EIF4EBP1: variants seen among roughly 807,000 people sequenced by gnomAD.
EIF4EBP1 encodes eukaryotic translation initiation factor 4E-binding protein 1.
In EIF4EBP1, 5 loss-of-function variants were observed where a neutral mutation model predicts 9.2. The observed-to-expected ratio is 0.54, with a 90% confidence interval of 0.28 to 1.14. EIF4EBP1 has a LOEUF of 1.14. Among genes scored for constraint, EIF4EBP1 ranks in the 50% most tolerant of loss-of-function variants. The probability of loss-of-function intolerance (pLI) is 0.09; values close to 1 mark genes in which losing one functional copy is unlikely to be tolerated. For missense variants in EIF4EBP1, 139 were observed against 169.6 expected (o/e 0.82, Z 1.00); for synonymous variants, 62 against 67.0 (o/e 0.93, Z 0.36).
intron 1 of EIF4EBP1, among the ~76,000 whole-genome samples, chr8:38,054,705 A>G (rs966217480): frequency 3.9e-5 from 6 of 152,066 alleles, no homozygotes; most frequent in African/African-American, 1.4e-4. Flanking sequence ...TCTAGAACCA[A>G]AACAAATCTG....
rs751889248 is a variant in EIF4EBP1, at chr8:38,057,255, C to A, written c.320C>A (p.Ala107Glu). The change falls in exon 2 of 3, where the codon GCG becomes GAG. Residue 107 changes from alanine to glutamate, a missense_variant. By Grantham distance (107) the Ala-to-Glu change is moderately radical. Transcript: ENST00000338825. ...HLRNSPEDKR[A>E]GGEESQFEMD... Reference sequence around the variant, plus strand: ...CGCAATAGCCCAGAAGATAAGCGGGCGGGCGGTGAGTGTCGGGGCTTGGCC... The same window carrying A: ...CGCAATAGCCCAGAAGATAAGCGGGAGGGCGGTGAGTGTCGGGGCTTGGCC... 7.5e-6 allele frequency: 12 copies of A among 1,605,908 alleles called. No individual in the cohort carries two copies. The highest frequency in any genetic ancestry group is 1.1e-5 in the South Asian group (1 of 90,010).
At chr8:38,056,254 A>T (rs905165960) in intron 1 of EIF4EBP1, among the ~76,000 whole-genome samples, 2 of 152,034 alleles carry the variant, frequency 1.3e-5, no homozygotes, top group Non-Finnish European at 2.9e-5. Flanking sequence ...GGCCTCCCAA[A>T]GTGCTGAGAT....
intron 1 of EIF4EBP1, among the ~76,000 whole-genome samples, chr8:38,034,981 G>A (rs1224612453): frequency 6.6e-6 from 1 of 152,164 alleles, no homozygotes; most frequent in Non-Finnish European, 1.5e-5. Context: ...GGAGCTGGGT[G>A]CGGTGGCTCA....
intron 2 of EIF4EBP1, among the ~76,000 whole-genome samples, chr8:38,059,419 G>A (rs191155947): frequency 3.0e-4 from 45 of 152,194 alleles, no homozygotes; most frequent in Non-Finnish European, 5.4e-4. Flanking sequence ...TGAGGCCGGC[G>A]TCATGCTTGT....
intron 1 of EIF4EBP1, among the ~76,000 whole-genome samples, chr8:38,052,311 A>T (rs939297620): frequency 2.0e-5 from 3 of 151,048 alleles, no homozygotes; most frequent in African/African-American, 7.3e-5. Context: ...CCCAGACTGG[A>T]GTCCAATGGT....
intron 1 of EIF4EBP1, among the ~76,000 whole-genome samples, chr8:38,031,369 G>A (rs1386758543): frequency 6.6e-6 from 1 of 152,136 alleles, no homozygotes; most frequent in Admixed American, 6.6e-5. Context: ...GAGGCACCGT[G>A]TGACCTCCCT....
intron 1 of EIF4EBP1, among the ~76,000 whole-genome samples, chr8:38,034,248 G>T (rs1273198384): frequency 6.6e-6 from 1 of 151,650 alleles, no homozygotes; most frequent in Admixed American, 6.6e-5. Context: ...GGGTCTCTAT[G>T]TATTACCCAG....
At chr8:38,037,591 G>A (rs904308621) in intron 1 of EIF4EBP1, among the ~76,000 whole-genome samples, 1 of 152,098 alleles carries the variant, frequency 6.6e-6, no homozygotes, top group African/African-American at 2.4e-5. Context: ...GGGATTACAG[G>A]CGTGAGCTAC....
chr8:38,047,607 C>A (rs1809463702), intron 1 of EIF4EBP1, among the ~76,000 whole-genome samples: 1 of 151,998 alleles, frequency 6.6e-6, no homozygotes, highest in South Asian at 2.1e-4. Context: ...GCCTCAGCCT[C>A]CCAAGTAGCT....
intron 1 of EIF4EBP1, among the ~76,000 whole-genome samples, chr8:38,031,650 G>T (rs1809222510): frequency 1.3e-5 from 2 of 152,146 alleles, no homozygotes; most frequent in South Asian, 4.1e-4. Context: ...AGATCCTGGC[G>T]CTTGGCTAGG....
intron 1 of EIF4EBP1, among the ~76,000 whole-genome samples, chr8:38,037,033 T>G (rs1233675381): frequency 6.6e-6 from 1 of 152,028 alleles, no homozygotes; most frequent in African/African-American, 2.4e-5. Context: ...GTTGTGCACA[T>G]AGATTCTTGC....
intron 1 of EIF4EBP1, among the ~76,000 whole-genome samples, chr8:38,032,025 TCTC>T (rs1469146614): frequency 6.6e-6 from 1 of 152,238 alleles, no homozygotes; most frequent in Non-Finnish European, 1.5e-5. Context: ...TCCATGCTGT[TCTC>T]CTTTGTCTCT....
At chr8:38,055,859 G>A (rs934255132) in intron 1 of EIF4EBP1, among the ~76,000 whole-genome samples, 1 of 152,040 alleles carries the variant, frequency 6.6e-6, no homozygotes, top group Non-Finnish European at 1.5e-5. Flanking sequence ...AGCTGGGCAT[G>A]GTGGCACGCA....
intron 1 of EIF4EBP1, among the ~76,000 whole-genome samples, chr8:38,042,111 C>T (rs566185581): frequency 6.6e-6 from 1 of 152,168 alleles, no homozygotes; most frequent in Non-Finnish European, 1.5e-5. Flanking sequence ...CCTCTTCCCC[C>T]TCCAAGTGTC....
intron 1 of EIF4EBP1, among the ~76,000 whole-genome samples, chr8:38,032,652 T>G (rs895856806): frequency 6.6e-6 from 1 of 152,200 alleles, no homozygotes; most frequent in African/African-American, 2.4e-5. Flanking sequence ...AAGGGACTTC[T>G]GCATCAGGGC....
chr8:38,049,696 G>A (rs945887938), intron 1 of EIF4EBP1, among the ~76,000 whole-genome samples: 18 of 151,918 alleles, frequency 1.2e-4, no homozygotes, highest in African/African-American at 4.1e-4. Flanking sequence ...TGTCTAGGCT[G>A]GTCTTAAACT....
chr8:38,054,981 C>T (rs1394892042), intron 1 of EIF4EBP1, among the ~76,000 whole-genome samples: 2 of 152,156 alleles, frequency 1.3e-5, no homozygotes, highest in Non-Finnish European at 2.9e-5. Context: ...CACCCCTCCT[C>T]CTAAGAAACA....
intron 1 of EIF4EBP1, among the ~76,000 whole-genome samples, chr8:38,055,707 T>A (rs574894367): frequency 1.4e-4 from 21 of 152,122 alleles, no homozygotes; most frequent in Admixed American, 1.3e-3. Context: ...TATAAAAAGA[T>A]ACAAAGGGGC....
chr8:38,036,669 C>CTT lies in EIF4EBP1; in HGVS notation c.145+5960_145+5961dup, dbSNP rs113920720. Among the ~76,000 whole-genome samples, 1,176 of 145,732 alleles carry CTT rather than the reference C, an allele frequency of 8.1e-3. 17 individuals are homozygous for CTT. Among genetic ancestry groups the CTT allele is most frequent in the African/African-American group, 0.028 (1,070 of 38,472 alleles). ...GGAAGGCACAGCAATATTGTTTCTTCTTTTTTTTTTAATTTGAAACAGGGT... is the reference window on the plus strand; with the variant it reads ...GGAAGGCACAGCAATATTGTTTCTTCTTTTTTTTTTTTAATTTGAAACAGGGT... On this transcript the variant is annotated intron_variant, in intron 1 of 2. Transcript: ENST00000338825.
Sources: gnomAD v4.1 joint callset for allele counts (sites outside exome capture counted in the v4.1 genomes callset) on GRCh38, gnomAD v4.1.1 for gene constraint, MANE v1.5 for transcripts, NCBI Gene and HGNC (gene_info 2026-07-23, HGNC 2026-07-21) for gene names.